Variants in PLXNA4 observed in about 807,000 individuals in gnomAD.
The protein encoded by PLXNA4 is plexin-A4.
Under a neutral mutation model 191.8 loss-of-function variants are expected in PLXNA4, and 44 were observed. That is an observed-to-expected ratio of 0.23 (90% CI 0.18 to 0.29). The LOEUF (loss-of-function observed/expected upper bound fraction) is 0.29. PLXNA4 is among the 10% of genes least tolerant of loss of function. PLXNA4 has a pLI of 1.00. For synonymous variants in PLXNA4, 1,082 were observed against 1,009.5 expected (o/e 1.07, Z -1.36); for missense variants, 1,800 against 2,488.8 (o/e 0.72, Z 5.89).
chr7:132,580,754 G>A (rs145600500), upstream of PLXNA4, among the ~76,000 whole-genome samples: 10 of 152,266 alleles, frequency 6.6e-5, no homozygotes, highest in African/African-American at 2.2e-4. Flanking sequence ...AGATTTGCTC[G>A]TTAAATAAAT....
intron 2 of PLXNA4, among the ~76,000 whole-genome samples, chr7:132,626,943 G>T (rs184997051): frequency 1.2e-4 from 18 of 152,144 alleles, no homozygotes; most frequent in African/African-American, 4.3e-4. Flanking sequence ...TGATCCCAAG[G>T]ACCCTCCTTA....
intron 4 of PLXNA4, chr7:132,264,396 T>C (rs1283566885): frequency 1.3e-5 from 2 of 152,230 alleles, no homozygotes; most frequent in African/African-American, 4.8e-5. Flanking sequence ...TAGGGAGTAG[T>C]AGCAAATAAT....
At chr7:132,178,707 T>TACACAC (rs1366959944) in intron 20 of PLXNA4, among the ~76,000 whole-genome samples, 15 of 68,458 alleles carry the variant, frequency 2.2e-4, no homozygotes, top group Admixed American at 4.6e-4. Context: ...CACATACACA[T>TACACAC]ACACATACAC....
chr7:132,330,420 A>G (rs1485763238), intron 3 of PLXNA4, among the ~76,000 whole-genome samples: 2 of 152,208 alleles, frequency 1.3e-5, no homozygotes, highest in African/African-American at 4.8e-5. Context: ...TAACCCGCTC[A>G]CCAGTGAGTG....
At chr7:132,323,933 C>G (rs1221348267) in intron 3 of PLXNA4, among the ~76,000 whole-genome samples, 2 of 152,122 alleles carry the variant, frequency 1.3e-5, no homozygotes, top group East Asian at 3.9e-4. Context: ...ACATGAGGTG[C>G]AAACTAATTT....
chr7:132,465,341 C>G (rs1395386612), intron 3 of PLXNA4, among the ~76,000 whole-genome samples: 1 of 152,196 alleles, frequency 6.6e-6, no homozygotes, highest in Non-Finnish European at 1.5e-5. Flanking sequence ...ACACCCTCAA[C>G]CTGAAATGAT....
chr7:132,509,555 T>C (rs1554456587), intron 1 of PLXNA4, among the ~76,000 whole-genome samples: 3 of 152,174 alleles, frequency 2.0e-5, no homozygotes, highest in Non-Finnish European at 4.4e-5. Context: ...TGCATAGCTA[T>C]AAGTGGTAGA....
At chr7:132,182,006 G>A in intron 17 of PLXNA4, 91 bp downstream of exon 17, 3 of 1,589,988 alleles carry the variant, frequency 1.9e-6, no homozygotes, top group Admixed American at 1.7e-5. Context: ...TGGGCAGGGA[G>A]TTACCTCAGT....
At chr7:132,616,670 C>A (rs1243155993) in intron 2 of PLXNA4, among the ~76,000 whole-genome samples, 1 of 152,142 alleles carries the variant, frequency 6.6e-6, no homozygotes, top group Non-Finnish European at 1.5e-5. Context: ...AATATAGAAA[C>A]TGTAAAAGGA....
chr7:132,563,189 T>C, intron 1 of PLXNA4, among the ~76,000 whole-genome samples: 1 of 31,026 alleles, frequency 3.2e-5, no homozygotes, highest in East Asian at 1.4e-3. Flanking sequence ...TTCTCCTTCC[T>C]CCTCCTCCTC....
At chr7:132,207,545 C>T (rs945431260) in intron 10 of PLXNA4, among the ~76,000 whole-genome samples, 2 of 152,242 alleles carry the variant, frequency 1.3e-5, no homozygotes, top group Non-Finnish European at 2.9e-5. Context: ...CTGTCCTCCT[C>T]CCACCAGCTC....
At position 132,534,862 on chromosome 7, in the gene PLXNA4, G is replaced by A. The variant is rs181258693; in HGVS notation, c.-86-26083C>T. Among the ~76,000 whole-genome samples the A allele has an allele frequency of 8.8e-4, 134 of 152,262 alleles. 1 individual carries two copies. The highest frequency in any genetic ancestry group is 8.5e-3 in the Admixed American group (130 of 15,300). Reference sequence around the variant, plus strand: ...ACCATGATGCTGAGGCTGACACGGCGCCCCCATTCCTTAACCTGCCACAGT... The same window carrying A: ...ACCATGATGCTGAGGCTGACACGGCACCCCCATTCCTTAACCTGCCACAGT... On this transcript the variant is annotated intron_variant, in intron 1 of 31. Transcript: ENST00000321063.
At chr7:132,428,220 G>C (rs955393874) in intron 3 of PLXNA4, among the ~76,000 whole-genome samples, 22 of 152,064 alleles carry the variant, frequency 1.4e-4, no homozygotes, top group African/African-American at 5.1e-4. Flanking sequence ...CCCTTTCCTG[G>C]GGCTCTGGCC....
intron 4 of PLXNA4, among the ~76,000 whole-genome samples, chr7:132,278,722 A>G (rs1268775427): frequency 6.6e-6 from 1 of 152,202 alleles, no homozygotes; most frequent in Non-Finnish European, 1.5e-5. Flanking sequence ...AGCTCTTTAG[A>G]AAGATAGTAA....
chr7:132,498,141 A>C (rs999490971), intron 2 of PLXNA4, among the ~76,000 whole-genome samples: 1 of 152,194 alleles, frequency 6.6e-6, no homozygotes, highest in African/African-American at 2.4e-5. Context: ...TTTTTGAGAG[A>C]CAGAGGAGAC....
At chr7:132,561,541 C>T (rs1585339382) in intron 1 of PLXNA4, among the ~76,000 whole-genome samples, 1 of 126,694 alleles carries the variant, frequency 7.9e-6, no homozygotes, top group Non-Finnish European at 1.7e-5. Context: ...CCTTCTCCTC[C>T]TCCTTCTCCT....
intron 1 of PLXNA4, among the ~76,000 whole-genome samples, chr7:132,563,952 T>C (rs1433444977): frequency 6.4e-5 from 5 of 77,662 alleles, no homozygotes; most frequent in Non-Finnish European, 9.9e-5. Flanking sequence ...CCTCCTCCTT[T>C]TCCTCCCCAT....
At chr7:132,176,618 ATGTG>A (rs910206268) in intron 20 of PLXNA4, among the ~76,000 whole-genome samples, 1 of 67,916 alleles carries the variant, frequency 1.5e-5, no homozygotes, top group Non-Finnish European at 2.7e-5. Context: ...GTATGACTGC[ATGTG>A]TGTGTGTATG....
chr7:132,613,362 C>G (rs559323846), intron 2 of PLXNA4, among the ~76,000 whole-genome samples: 1 of 152,218 alleles, frequency 6.6e-6, no homozygotes, highest in African/African-American at 2.4e-5. Flanking sequence ...CCCTCCCCCC[C>G]GACATCTCCT....
Sources: allele counts gnomAD v4.1 joint callset (sites outside exome capture counted in the v4.1 genomes callset), GRCh38; gene constraint gnomAD v4.1.1; transcripts MANE v1.5; gene names NCBI Gene and HGNC (gene_info 2026-07-23, HGNC 2026-07-21).